IGLL5: variants seen among roughly 807,000 people sequenced by gnomAD.
The protein encoded by IGLL5 is immunoglobulin lambda like polypeptide 5, also known as immunoglobulin lambda-like polypeptide 5.
Under a neutral mutation model 20.9 loss-of-function variants are expected in IGLL5, and 30 were observed. The ratio of observed to expected loss-of-function variants is 1.44; its 90% confidence interval spans 1.07 to 1.95. The LOEUF (loss-of-function observed/expected upper bound fraction) is 1.95, where lower values mean the gene tolerates loss of function less well. Ranked by LOEUF, IGLL5 falls within the 30% of genes most tolerant of loss-of-function variation. The probability of loss-of-function intolerance (pLI) is 0.00; values close to 1 mark genes in which losing one functional copy is unlikely to be tolerated. For synonymous variants in IGLL5, 203 were observed against 117.3 expected, an observed-to-expected ratio of 1.73 and a Z score of -4.72; for missense variants, 475 against 270.7, an observed-to-expected ratio of 1.75 and a Z score of -5.30.
chr22:22,888,458 G>A (rs148441314), intron 1 of IGLL5, among the ~76,000 whole-genome samples, 199 bp downstream of exon 1: 4 of 151,352 alleles, frequency 2.6e-5, no homozygotes, highest in African/African-American at 7.3e-5. Context: ...ATCATATTAC[G>A]ATATTATTTT....
intron 2 of IGLL5, among the ~76,000 whole-genome samples, chr22:22,894,287 C>G (rs1203331033): frequency 6.6e-6 from 1 of 151,076 alleles, no homozygotes; most frequent in Admixed American, 6.6e-5. Flanking sequence ...CCTGGGAGGG[C>G]CACACGGCCT....
chr22:22,888,065 G>C lies in IGLL5; in HGVS notation c.12G>C (p.Lys4Asn), dbSNP rs566258596. ...GAACCTGAAGGCCAATGAGACCCAA[G>C]ACAGGCCAAGTGGGTTGTGAGACCC... The part of the protein sequence containing the change: MRP[K>N]TGQVGCETPE... Residue 4 changes from lysine (K) to asparagine (N), a missense_variant, in exon 1 of 3, where the codon AAG (lysine) becomes AAC (asparagine). Lys to Asn is a moderately conservative substitution (Grantham distance 94). Transcript: ENST00000526893. 6.5e-7 allele frequency: 1 copy of C among 1,549,258 alleles called. No individual in the cohort carries two copies. Among genetic ancestry groups the C allele is most frequent in the African/African-American group, 1.4e-5 (1 of 72,936 alleles).
chr22:22,894,008 G>A lies in IGLL5; in HGVS notation c.325+190G>A, dbSNP rs946784266. ...GGCAGGAAGGGCCTCCACAGTGGGA[G>A]CAGCCGGATGCAGCCTGGTCCCGGG... is the stretch of plus-strand genomic sequence containing the variant. On this transcript the variant is annotated intron_variant, in intron 2 of 2. Transcript: ENST00000526893. Among the ~76,000 whole-genome samples the A allele has an allele frequency of 5.3e-5, 8 of 149,652 alleles. No individual in the cohort carries two copies. In the South Asian group the frequency reaches 6.6e-4, roughly 12 times the overall value.
intron 2 of IGLL5, among the ~76,000 whole-genome samples, chr22:22,894,112 TC>T: frequency 6.6e-6 from 1 of 151,432 alleles, no homozygotes; most frequent in African/African-American, 2.4e-5. Context: ...AGAGGCTGGT[TC>T]TGATGAGGGG....
At chr22:22,894,733 G>A (rs2066689850) in intron 2 of IGLL5, among the ~76,000 whole-genome samples, 1 of 151,458 alleles carries the variant, frequency 6.6e-6, no homozygotes, top group African/African-American at 2.4e-5. Context: ...AACAGCTGAG[G>A]TGAAGGGTTC....
intron 2 of IGLL5, 126 bp downstream of exon 2, chr22:22,893,944 CA>C: frequency 2.7e-6 from 2 of 750,978 alleles, no homozygotes; most frequent in East Asian, 2.6e-5. Context: ...TACCTTTCTC[CA>C]TGGGGCCTGG....
intron 1 of IGLL5, among the ~76,000 whole-genome samples, chr22:22,891,862 T>G (rs150114981): frequency 6.6e-6 from 1 of 151,388 alleles, no homozygotes; most frequent in East Asian, 2.0e-4. Flanking sequence ...TCCAGACACT[T>G]TAACTCTTGT....
intron 2 of IGLL5, 52 bp downstream of exon 2, chr22:22,893,870 A>ATC: frequency 7.9e-7 from 1 of 1,264,736 alleles, no homozygotes; most frequent in South Asian, 1.2e-5. Flanking sequence ...CTGTCCCTGG[A>ATC]AAATCTGTTT....
chr22:22,894,076 C>G (rs1437967536), intron 2 of IGLL5, among the ~76,000 whole-genome samples: 1 of 151,462 alleles, frequency 6.6e-6, no homozygotes, highest in Admixed American at 6.6e-5. Context: ...CTCCTCTCTT[C>G]CAGGGCAGAT....
At chr22:22,894,567 C>A (rs534960038) in intron 2 of IGLL5, among the ~76,000 whole-genome samples, 1 of 151,506 alleles carries the variant, frequency 6.6e-6, no homozygotes, top group Admixed American at 6.6e-5. Context: ...TCCTGCCTTC[C>A]TCAAAGGGCA....
chr22:22,894,337 G>C (rs145143981), intron 2 of IGLL5, among the ~76,000 whole-genome samples: 6 of 151,462 alleles, frequency 4.0e-5, no homozygotes, highest in Middle Eastern at 3.7e-3. Context: ...CCAATGGAGG[G>C]CACAGAGAGG....
At chr22:22,894,106 G>A (rs567579274) in intron 2 of IGLL5, among the ~76,000 whole-genome samples, 8 of 151,428 alleles carry the variant, frequency 5.3e-5, no homozygotes, top group South Asian at 2.1e-4. Context: ...AGGGACAGAG[G>A]CTGGTTCTGA....
chr22:22,891,398 T>C (rs1404426725), intron 1 of IGLL5, among the ~76,000 whole-genome samples: 6 of 151,366 alleles, frequency 4.0e-5, no homozygotes, highest in East Asian at 4.0e-4. Flanking sequence ...TCTTGGTTTA[T>C]TGAGCTATTC....
chr22:22,894,420 A>C (rs1601626222), intron 2 of IGLL5, among the ~76,000 whole-genome samples: 1 of 151,420 alleles, frequency 6.6e-6, no homozygotes, highest in Non-Finnish European at 1.5e-5. Flanking sequence ...GGGACGGGTG[A>C]GACTGGGTGA....
chr22:22,894,995 T>G (rs1015649383), intron 2 of IGLL5, among the ~76,000 whole-genome samples: 1 of 151,102 alleles, frequency 6.6e-6, no homozygotes, highest in African/African-American at 2.4e-5. Flanking sequence ...CCTGGAAGAA[T>G]AAAGTGGGTG....
In IGLL5 at chr22:22,888,026, C is replaced by G. The variant is rs1393780750; in HGVS notation, c.-28C>G. 2 of 1,540,098 alleles carry G rather than the reference C, an allele frequency of 1.3e-6. No individual in the cohort carries two copies. The highest frequency in any genetic ancestry group is 1.8e-6 in the Non-Finnish European group (2 of 1,138,304). ...CAGGGAGCCCATGCTGCAAGTCGGG[C>G]CAGAGGTGCCCCTGAACCTGAAGGC... On this transcript the variant is annotated 5_prime_UTR_variant, in exon 1 of 3. Transcript: ENST00000526893.
chr22:22,887,835 T>G lies in IGLL5; in HGVS notation c.-219T>G, dbSNP rs2067550787. 3.3e-6 allele frequency: 2 copies of G among 603,282 alleles called. No individual in the cohort carries two copies. The highest frequency in any genetic ancestry group is 1.9e-5 in the African/African-American group (1 of 53,800). 37.4% of individuals were successfully genotyped at this position (603,282 alleles called of 1,614,324 possible). A position where few individuals can be genotyped will look rare whatever the true frequency, so the allele number is the denominator to read the frequency against. ...TGGATTGTGACCGCTTCAGGGCAGT[T>G]GGTAGATGCCCCTCTGGGAGAGATC... On this transcript the variant is annotated 5_prime_UTR_variant, in exon 1 of 3. Transcript: ENST00000526893.
intron 2 of IGLL5, among the ~76,000 whole-genome samples, chr22:22,894,813 A>G (rs1407510343): frequency 1.3e-5 from 2 of 151,272 alleles, no homozygotes; most frequent in Non-Finnish European, 2.9e-5. Context: ...GTCTAGGTGG[A>G]GCCCACTCCT....
In IGLL5 at chr22:22,888,755, G is replaced by C. The variant is rs143604616; in HGVS notation, c.206+496G>C. Among the ~76,000 whole-genome samples, 13 of 151,108 alleles carry C rather than the reference G, an allele frequency of 8.6e-5. 1 individual carries two copies. Among genetic ancestry groups the C allele is most frequent in the Middle Eastern group, 3.8e-3 (1 of 266 alleles). On this transcript the variant is annotated intron_variant, in intron 1 of 2. Coordinates refer to ENST00000526893, the MANE Select transcript of IGLL5 (RefSeq NM_001178126.2). ...TCTGTTCACCAACTTGCACATAAAT[G>C]CTTACTGGGGCCAGGCTCAAGGACA...
Sources: gnomAD v4.1 joint callset for allele counts (sites outside exome capture counted in the v4.1 genomes callset) on GRCh38, gnomAD v4.1.1 for gene constraint, MANE v1.5 for transcripts, NCBI Gene and HGNC (gene_info 2026-07-23, HGNC 2026-07-21) for gene names.